Variants in ZNF827 observed in about 807,000 individuals in gnomAD.
ZNF827 encodes zinc finger protein 827.
In ZNF827, 13 loss-of-function variants were observed where a neutral mutation model predicts 102.4. The observed-to-expected ratio is 0.13, with a 90% confidence interval of 0.08 to 0.20. ZNF827 has a LOEUF of 0.20. Ranked by LOEUF, ZNF827 falls within the 10% of genes least tolerant of loss-of-function variation. The pLI is 1.00. For synonymous variants in ZNF827, 523 were observed against 536.2 expected, an observed-to-expected ratio of 0.98 and a Z score of 0.34; for missense variants, 1,103 against 1,344.4, an observed-to-expected ratio of 0.82 and a Z score of 2.81.
intron 8 of ZNF827, among the ~76,000 whole-genome samples, chr4:145,821,535 A>G (rs1462026420): frequency 2.0e-5 from 3 of 152,016 alleles, no homozygotes; most frequent in Non-Finnish European, 4.4e-5. Context: ...CCATTCCCAA[A>G]GCATTTTCAC....
chr4:145,937,269 T>C (rs1042132945), intron 1 of ZNF827, among the ~76,000 whole-genome samples: 1 of 149,590 alleles, frequency 6.7e-6, no homozygotes, highest in South Asian at 2.1e-4. Context: ...TGCCGGCGGG[T>C]GTGTGTCTCC....
At position 145,806,384 on chromosome 4, in the gene ZNF827, G is replaced by A. The variant is rs533896341; in HGVS notation, c.2383+17038C>T. Among the ~76,000 whole-genome samples the A allele has an allele frequency of 1.2e-4, 19 of 152,054 alleles. No homozygotes were observed. In the East Asian group the frequency reaches 3.1e-3, roughly 25 times the overall value. On this transcript the variant is annotated intron_variant, in intron 8 of 14. Transcript: ENST00000508784. ...TTGCCCAGGCTGGTCTCGAACTCCT[G>A]AGCTCAAGCAATACTCCTGCCTTGG...
intron 4 of ZNF827, 72 bp from the exon 5 acceptor site, chr4:145,870,550 C>G (rs1478574257): frequency 1.5e-6 from 2 of 1,316,390 alleles, no homozygotes; most frequent in Non-Finnish European, 2.1e-6. Flanking sequence ...TGGTACTTCA[C>G]GAAGTATGGA....
intron 7 of ZNF827, 88 bp from the exon 8 acceptor site, chr4:145,823,613 A>G: frequency 1.2e-6 from 1 of 835,184 alleles, no homozygotes; most frequent in Non-Finnish European, 2.0e-6. Context: ...TATATACGCA[A>G]TATTAGATAA....
chr4:145,903,926 T>C (rs1476669208), intron 1 of ZNF827, among the ~76,000 whole-genome samples: 1 of 152,230 alleles, frequency 6.6e-6, no homozygotes, highest in Non-Finnish European at 1.5e-5. Flanking sequence ...TCCCATGTTA[T>C]GCATGCTACC....
chr4:145,764,803 ACACCCTAGGGGGACAGGTCTAATTCAATC>A (rs1735028716), intron 13 of ZNF827, 156 bp downstream of exon 13: 2 of 724,184 alleles, frequency 2.8e-6, no homozygotes, highest in South Asian at 3.5e-5. Context: ...ACATCTGTTG[ACACCCTAGGGGGACAGGTCTAATTCAATC>A]CAGCTAAAGG....
At position 145,870,531 on chromosome 4, in the gene ZNF827, T is replaced by C. The variant is rs77625202; in HGVS notation, c.1748-53A>G. On this transcript the variant is annotated intron_variant, in intron 4 of 14. Coordinates refer to ENST00000508784, the MANE Select transcript of ZNF827 (RefSeq NM_001306215.2). ...ATACATAAAAGGCCACTCCCCTCCT[T>C]AGCTGCCCTGGTACTTCACGAAGTA... 362 of 1,480,172 alleles carry C rather than the reference T, an allele frequency of 2.4e-4. No individual in the cohort carries two copies. In the African/African-American group the frequency reaches 3.5e-3, roughly 14 times the overall value. The allele number at this position is 1,480,172 out of a possible 1,614,324, so 91.7% of individuals were successfully genotyped here. A position where few individuals can be genotyped will look rare whatever the true frequency, so the allele number is the denominator to read the frequency against.
intron 11 of ZNF827, among the ~76,000 whole-genome samples, chr4:145,770,076 T>C (rs1225947325): frequency 6.6e-6 from 1 of 152,114 alleles, no homozygotes; most frequent in Non-Finnish European, 1.5e-5. Flanking sequence ...GGTGGGTGAA[T>C]TGCCTGAGGC....
At chr4:145,808,523 T>G (rs1366596236) in intron 8 of ZNF827, among the ~76,000 whole-genome samples, 1 of 152,220 alleles carries the variant, frequency 6.6e-6, no homozygotes, top group Non-Finnish European at 1.5e-5. Flanking sequence ...GGATGAGTCA[T>G]TTTGACTGGA....
In ZNF827 at chr4:145,790,901, G is replaced by T. The variant is rs145161804; in HGVS notation, c.2384-11390C>A. On this transcript the variant is annotated intron_variant, in intron 8 of 14. Coordinates refer to ENST00000508784, the MANE Select transcript of ZNF827 (RefSeq NM_001306215.2). ...GCACATTATAACATTTTTGTTAGTT[G>T]ATGGCAGATTTAACATTTTAAGGCA... 2.3e-3 allele frequency among the ~76,000 whole-genome samples: 354 copies of T among 152,278 alleles called. 2 individuals are homozygous for T. The highest frequency in any genetic ancestry group is 8.1e-3 in the African/African-American group (338 of 41,556).
chr4:145,858,841 G>A (rs190057737), intron 5 of ZNF827, among the ~76,000 whole-genome samples: 1 of 152,096 alleles, frequency 6.6e-6, no homozygotes, highest in African/African-American at 2.4e-5. Context: ...TTTAATAACT[G>A]AGAGTTTGTC....
At chr4:145,778,900 C>T (rs767894253) in intron 9 of ZNF827, among the ~76,000 whole-genome samples, 2 of 151,898 alleles carry the variant, frequency 1.3e-5, no homozygotes, top group Non-Finnish European at 2.9e-5. Context: ...CTATTTATTC[C>T]TCCTTGTTAA....
Position 145,849,527 on chromosome 4 carries a change from A to C in ZNF827, c.2016T>G (p.Ile672Met). The C allele has an allele frequency of 6.2e-7, 1 of 1,614,194 alleles. No homozygotes were observed. Among genetic ancestry groups the C allele is most frequent in the Non-Finnish European group, 8.5e-7 (1 of 1,180,030 alleles). ...TGTCAACCTCCATGGGTTCCTCTTT[A>C]ATCTTCACCATCTGTGTTTCCTTGT... ...ESYKETQMVKIKEEPMEVDIQ... is the reference protein window; with the variant it reads ...ESYKETQMVKMKEEPMEVDIQ... Residue 672 changes from isoleucine (I) to methionine (M), a missense_variant, in exon 6 of 15, where the codon ATT becomes ATG. This residue lies in a region of ZNF827 where 243 missense variants were observed against 251.6 expected (regional missense o/e 0.97). Transcript: ENST00000508784.
intron 1 of ZNF827, among the ~76,000 whole-genome samples, chr4:145,911,107 A>G (rs72725711): frequency 0.033 from 4,966 of 152,250 alleles, 119 homozygotes; most frequent in Middle Eastern, 0.051. Context: ...TTAGAATGCT[A>G]TTTTTCTCAT....
chr4:145,867,286 C>T (rs1243267288), intron 5 of ZNF827, among the ~76,000 whole-genome samples: 1 of 152,216 alleles, frequency 6.6e-6, no homozygotes, highest in African/African-American at 2.4e-5. Context: ...TTCCCCAATG[C>T]ACACTTAATG....
intron 11 of ZNF827, among the ~76,000 whole-genome samples, chr4:145,770,717 A>C (rs1736151886): frequency 6.6e-6 from 1 of 152,216 alleles, no homozygotes; most frequent in East Asian, 1.9e-4. Context: ...ATTGTATTAT[A>C]TCCATGGAGG....
intron 3 of ZNF827, among the ~76,000 whole-genome samples, chr4:145,890,822 C>T (rs1474283618): frequency 6.6e-6 from 1 of 152,150 alleles, no homozygotes; most frequent in African/African-American, 2.4e-5. Context: ...ACCAGAACTC[C>T]TGGTTAAATG....
At chr4:145,855,213 G>C (rs1746951719) in intron 5 of ZNF827, among the ~76,000 whole-genome samples, 1 of 152,152 alleles carries the variant, frequency 6.6e-6, no homozygotes, top group African/African-American at 2.4e-5. Context: ...TCATGATTTG[G>C]AACTAGTATT....
At chr4:145,850,322 T>C (rs1185216790) in intron 5 of ZNF827, among the ~76,000 whole-genome samples, 1 of 152,132 alleles carries the variant, frequency 6.6e-6, no homozygotes, top group Non-Finnish European at 1.5e-5. Context: ...TCCCTCTATT[T>C]TTAAAGCTCT....
Sources: gnomAD v4.1 joint callset for allele counts (sites outside exome capture counted in the v4.1 genomes callset) on GRCh38, gnomAD v4.1.1 for gene constraint, gnomAD v4.1.1 regional missense constraint, MANE v1.5 for transcripts, NCBI Gene and HGNC (gene_info 2026-07-23, HGNC 2026-07-21) for gene names.